Variants in HDAC1 observed in about 807,000 individuals in gnomAD.
HDAC1 encodes histone deacetylase 1.
In HDAC1, 18 loss-of-function variants were observed where a neutral mutation model predicts 65.5. The observed-to-expected ratio is 0.27, with a 90% CI of 0.19 to 0.41. The LOEUF is 0.41. HDAC1 is among the 10% of genes least tolerant of loss of function. The pLI is 1.00. For missense variants in HDAC1, 373 were observed against 625.2 expected, an observed-to-expected ratio of 0.60 and a Z score of 4.30; for synonymous variants, 211 against 227.9, an observed-to-expected ratio of 0.93 and a Z score of 0.67.
At chr1:32,326,808 A>T in intron 4 of HDAC1, 131 bp from the exon 5 acceptor site, 1 of 843,806 alleles carries the variant, frequency 1.2e-6, no homozygotes, top group Non-Finnish European at 1.8e-6. Context: ...GAGGGAGGGG[A>T]CTGGTCTATG....
chr1:32,328,038 G>A (rs1326465358), intron 6 of HDAC1, among the ~76,000 whole-genome samples: 2 of 152,122 alleles, frequency 1.3e-5, no homozygotes, highest in Non-Finnish European at 2.9e-5. Flanking sequence ...TTCCCCTTTA[G>A]CCTTTTGACT....
intron 1 of HDAC1, among the ~76,000 whole-genome samples, chr1:32,294,908 C>A (rs1359786150): frequency 6.6e-6 from 1 of 151,616 alleles, no homozygotes; most frequent in African/African-American, 2.4e-5. Flanking sequence ...CTCAAGCAAT[C>A]CTGCCACCTT....
chr1:32,297,671 C>T (rs1307278056), intron 1 of HDAC1, among the ~76,000 whole-genome samples: 2 of 152,024 alleles, frequency 1.3e-5, no homozygotes, highest in Admixed American at 6.6e-5. Flanking sequence ...AGTGCAGTGG[C>T]GCCATCTCGG....
rs775015795 is a variant in HDAC1, at chr1:32,329,093, AT to A, written c.664del (p.Tyr222MetfsTer27). The A allele has an allele frequency of 6.2e-7, 1 of 1,611,480 alleles. No individual in the cohort carries two copies. The highest frequency in any genetic ancestry group is 2.2e-5 in the East Asian group (1 of 44,864). On this transcript the variant is annotated frameshift_variant, in exon 7 of 14. Coordinates refer to ENST00000373548, the MANE Select transcript of HDAC1 (RefSeq NM_004964.3). LOFTEE classifies it high-confidence loss of function. The surrounding 1 kb of genome is among the most constrained non-coding windows in gnomAD (Gnocchi z 4.1). ...LRDIGAGKGK[Y>X]YAVNYPLRDG... ...GATATCGGGGCTGGCAAAGGCAAGT[AT>A]TATGCTGTTAACTACCCGCTCCGAG...
chr1:32,297,988 A>G lies in HDAC1; in HGVS notation c.50-4633A>G, dbSNP rs190853806. ...GTATTTTTAGTAGAGACGGGGTTTC[A>G]CCGTGTTAGCCAGGATGGTCTCCAT... On this transcript the variant is annotated intron_variant, in intron 1 of 13. Transcript: ENST00000373548. Among the ~76,000 whole-genome samples, 300 of 149,234 alleles carry G rather than the reference A, an allele frequency of 2.0e-3. 1 individual carries two copies. Among genetic ancestry groups the G allele is most frequent in the South Asian group, 6.8e-3 (32 of 4,718 alleles).
intron 1 of HDAC1, among the ~76,000 whole-genome samples, chr1:32,295,791 T>G (rs1640760813): frequency 6.6e-6 from 1 of 152,028 alleles, no homozygotes; most frequent in African/African-American, 2.4e-5. Flanking sequence ...GTTTGTTTGT[T>G]GTAGAGATGT....
intron 2 of HDAC1, among the ~76,000 whole-genome samples, chr1:32,310,602 C>G (rs893578631): frequency 1.3e-5 from 2 of 152,120 alleles, no homozygotes; most frequent in African/African-American, 2.4e-5. Context: ...GTAGTCCCAG[C>G]ACTTTGGGAG....
At chr1:32,295,552 A>G (rs1354413012) in intron 1 of HDAC1, among the ~76,000 whole-genome samples, 1 of 152,178 alleles carries the variant, frequency 6.6e-6, no homozygotes, top group Non-Finnish European at 1.5e-5. Context: ...CAGTGTTTTC[A>G]TATGACAGAA....
rs764004549 is a variant in HDAC1 at position 32,316,801 on chromosome 1, C to T, written c.280+19C>T. 2.7e-6 allele frequency: 4 copies of T among 1,497,410 alleles called. No individual in the cohort carries two copies. The Admixed American group carries it at 6.7e-5, about 25-fold the overall frequency. The allele number at this position is 1,497,410 out of a possible 1,614,324, so 92.8% of individuals were successfully genotyped here. On this transcript the variant is annotated intron_variant, in intron 3 of 13. Transcript: ENST00000373548. ...CAGAGATGTAAGTCCATTCTGTTCCCTCACACTCTGAAGCCGCCAGTTGCA... is the reference window on the plus strand; with the variant it reads ...CAGAGATGTAAGTCCATTCTGTTCCTTCACACTCTGAAGCCGCCAGTTGCA...
At chr1:32,292,424 G>A in intron 1 of HDAC1, 3 of 985,290 alleles carry the variant, frequency 3.0e-6, no homozygotes, top group Non-Finnish European at 3.6e-6. Flanking sequence ...GGGATCGCGT[G>A]GGGGAAGCGT....
At position 32,331,262 on chromosome 1, in the gene HDAC1, G is replaced by A. The variant is rs1050261662; in HGVS notation, c.980-212G>A. On this transcript the variant is annotated intron_variant, in intron 9 of 13. Coordinates refer to ENST00000373548, the MANE Select transcript of HDAC1 (RefSeq NM_004964.3). This position sits in a 1 kb window ranked among gnomAD's most constrained non-coding sequence, Gnocchi z 4.2. ...CCAGGGACATGGGCCTTCTCCTAGC[G>A]ACATATACACCACTGGTACAGACAT... 2.6e-5 allele frequency among the ~76,000 whole-genome samples: 4 copies of A among 152,142 alleles called. No homozygotes were observed. Among genetic ancestry groups the A allele is most frequent in the African/African-American group, 7.2e-5 (3 of 41,422 alleles).
At chr1:32,294,672 A>C (rs1640743361) in intron 1 of HDAC1, among the ~76,000 whole-genome samples, 1 of 151,286 alleles carries the variant, frequency 6.6e-6, no homozygotes, top group Non-Finnish European at 1.5e-5. Context: ...CCGCCACCAC[A>C]CTGGGCTGAT....
In HDAC1 at chr1:32,332,234, A is replaced by C. The variant is rs902248231; in HGVS notation, c.1364A>C (p.Glu455Ala). Reference sequence around the variant, plus strand: ...GATGAAAAAGAGAAAGACCCAGAGGAGAAGAAAGGTGGGTTTGGGTTCAGC... The same window carrying C: ...GATGAAAAAGAGAAAGACCCAGAGGCGAAGAAAGGTGGGTTTGGGTTCAGC... ...TEDEKEKDPE[E>A]KKEVTEEEKT... Residue 455 changes from glutamate (E) to alanine (A), a missense_variant, in exon 12 of 14, where the codon GAG (glutamate) becomes GCG (alanine). Coordinates refer to ENST00000373548, the MANE Select transcript of HDAC1 (RefSeq NM_004964.3). The C allele has an allele frequency of 3.7e-6, 6 of 1,610,870 alleles. No homozygotes were observed. Among genetic ancestry groups the C allele is most frequent in the Non-Finnish European group, 5.1e-6 (6 of 1,178,574 alleles).
At position 32,331,857 on chromosome 1, in the gene HDAC1, A is replaced by G; in HGVS notation, c.1219+51A>G. Reference sequence around the variant, plus strand: ...GCCTTCCATTCAATAGGCAGCTCACACTTCCACCACCATTCCTGGCTGCAC... The same window carrying G: ...GCCTTCCATTCAATAGGCAGCTCACGCTTCCACCACCATTCCTGGCTGCAC... On this transcript the variant is annotated intron_variant, in intron 11 of 13. Coordinates refer to ENST00000373548, the MANE Select transcript of HDAC1 (RefSeq NM_004964.3). This position sits in a 1 kb window ranked among gnomAD's most constrained non-coding sequence, Gnocchi z 4.2. 1 of 1,551,264 alleles carries G rather than the reference A, an allele frequency of 6.4e-7. No individual in the cohort carries two copies. The highest frequency in any genetic ancestry group is 8.7e-7 in the Non-Finnish European group (1 of 1,147,444).
chr1:32,326,843 A>G, intron 4 of HDAC1, 96 bp from the exon 5 acceptor site: 1 of 1,284,610 alleles, frequency 7.8e-7, no homozygotes, highest in South Asian at 1.3e-5. Context: ...GCTGTTGAAT[A>G]GGCAGGTCTT....
In HDAC1 at chr1:32,306,921, G is replaced by A. The variant is rs550134546; in HGVS notation, c.162+4188G>A. On this transcript the variant is annotated intron_variant, in intron 2 of 13. Coordinates refer to ENST00000373548, the MANE Select transcript of HDAC1 (RefSeq NM_004964.3). Reference sequence around the variant, plus strand: ...ACAATAATAAACTAGGACAATTATAGCAATAAGCCGTTTACAGTTTCATGC... The same window carrying A: ...ACAATAATAAACTAGGACAATTATAACAATAAGCCGTTTACAGTTTCATGC... 2.0e-5 allele frequency among the ~76,000 whole-genome samples: 3 copies of A among 152,194 alleles called. No individual in the cohort carries two copies. In the East Asian group the frequency reaches 5.8e-4, roughly 29 times the overall value.
Position 32,329,226 on chromosome 1 carries a change from G to C in HDAC1, c.729+66G>C, listed in dbSNP as rs1641259365. ...TTGGTTGGCGGTGGAGGGGAGCAAA[G>C]CACCCCCACCATACCTCAGGAATCT... On this transcript the variant is annotated intron_variant, in intron 7 of 13. Transcript: ENST00000373548. The surrounding 1 kb of genome is among the most constrained non-coding windows in gnomAD (Gnocchi z 4.1). 4.3e-6 allele frequency: 4 copies of C among 919,684 alleles called. No individual in the cohort carries two copies. The highest frequency in any genetic ancestry group is 7.3e-6 in the Non-Finnish European group (4 of 546,384). 57.0% of individuals were successfully genotyped at this position (919,684 alleles called of 1,614,324 possible).
At chr1:32,332,360 T>C (rs1641305072) in intron 12 of HDAC1, 118 bp downstream of exon 12, 1 of 952,516 alleles carries the variant, frequency 1.0e-6, no homozygotes, top group African/African-American at 1.6e-5. Context: ...CTTCCTCAGT[T>C]CCTTGAGCCT....
At chr1:32,315,648 C>T (rs1200742144) in intron 2 of HDAC1, among the ~76,000 whole-genome samples, 1 of 150,838 alleles carries the variant, frequency 6.6e-6, no homozygotes. Context: ...CCACTGCACT[C>T]GGCCAGTTTT....
Sources: allele counts gnomAD v4.1 joint callset (sites outside exome capture counted in the v4.1 genomes callset), GRCh38; gene constraint gnomAD v4.1.1; non-coding constraint Gnocchi (gnomAD v3.1); transcripts MANE v1.5; gene names NCBI Gene and HGNC (gene_info 2026-07-23, HGNC 2026-07-21).